FSTL4: variants seen among roughly 807,000 people sequenced by gnomAD.
FSTL4 encodes the protein follistatin like 4, also known as follistatin-related protein 4.
FSTL4 carries 28 observed loss-of-function variants against 78.2 expected under a neutral mutation model. The observed-to-expected ratio is 0.36, with a 90% CI of 0.27 to 0.49. The LOEUF (loss-of-function observed/expected upper bound fraction) is 0.49. Ranked by LOEUF, FSTL4 falls within the 20% of genes least tolerant of loss-of-function variation. The probability of loss-of-function intolerance (pLI) is 0.98; values close to 1 mark genes in which losing one functional copy is unlikely to be tolerated. For missense variants in FSTL4, 922 were observed against 1,084.9 expected (o/e 0.85, Z 2.11); for synonymous variants, 422 against 440.5 (o/e 0.96, Z 0.53).
At chr5:133,528,960 G>C (rs1759194478) in intron 3 of FSTL4, among the ~76,000 whole-genome samples, 1 of 152,200 alleles carries the variant, frequency 6.6e-6, no homozygotes, top group Non-Finnish European at 1.5e-5. Context: ...GCAGTGAGCA[G>C]TGCCACCTCC....
At chr5:133,241,133 G>A (rs1299185105) in intron 7 of FSTL4, among the ~76,000 whole-genome samples, 1 of 152,244 alleles carries the variant, frequency 6.6e-6, no homozygotes, top group African/African-American at 2.4e-5. Context: ...GGAGAACAGA[G>A]ATTCCACGTT....
the FSTL4 span, among the ~76,000 whole-genome samples, chr5:133,702,963 C>T: frequency 6.6e-6 from 1 of 152,222 alleles, no homozygotes; most frequent in Admixed American, 6.5e-5. Context: ...GTGGACAAGA[C>T]ACAGCACAAT....
At chr5:133,515,012 A>G (rs1384683345) in intron 3 of FSTL4, among the ~76,000 whole-genome samples, 1 of 152,232 alleles carries the variant, frequency 6.6e-6, no homozygotes, top group Non-Finnish European at 1.5e-5. Context: ...AAAATGTAAC[A>G]TTAATATAAT....
chr5:133,249,637 A>C, intron 6 of FSTL4, 61 bp from the exon 7 acceptor site: 116 of 1,360,848 alleles, frequency 8.5e-5, no homozygotes, highest in Non-Finnish European at 1.1e-4. Context: ...GTCTCAACTC[A>C]AGGTGAATAG....
chr5:133,451,490 G>A (rs1317281170), intron 3 of FSTL4, among the ~76,000 whole-genome samples: 5 of 152,332 alleles, frequency 3.3e-5, no homozygotes, highest in African/African-American at 9.6e-5. Context: ...GAACCCAGGA[G>A]GGGGAGGTTG....
the FSTL4 span, among the ~76,000 whole-genome samples, chr5:133,644,473 G>A: frequency 6.6e-6 from 1 of 152,072 alleles, no homozygotes; most frequent in African/African-American, 2.4e-5. Context: ...TGTTGGTTCA[G>A]CATCTTCATT....
At chr5:133,806,189 G>C in the FSTL4 span, among the ~76,000 whole-genome samples, 6 of 152,252 alleles carry the variant, frequency 3.9e-5, no homozygotes, top group East Asian at 1.2e-3. Context: ...GGTGTCGGAC[G>C]TCTGTGAAAT....
the FSTL4 span, among the ~76,000 whole-genome samples, chr5:133,719,409 C>T: frequency 6.6e-6 from 1 of 152,064 alleles, no homozygotes; most frequent in Non-Finnish European, 1.5e-5. Flanking sequence ...ATGGCTCACA[C>T]CTGCAATCCC....
chr5:133,449,947 G>C (rs1275744925), intron 3 of FSTL4, among the ~76,000 whole-genome samples: 4 of 152,200 alleles, frequency 2.6e-5, no homozygotes, highest in Non-Finnish European at 4.4e-5. Flanking sequence ...GGGACACACT[G>C]TGGTCAGTTG....
chr5:133,217,166 G>C, intron 13 of FSTL4, 63 bp downstream of exon 13: 2 of 1,417,110 alleles, frequency 1.4e-6, no homozygotes, highest in Non-Finnish European at 2.0e-6. Context: ...AGAAAGCAAA[G>C]AAGAATGTGG....
chr5:133,767,341 G>A, the FSTL4 span, among the ~76,000 whole-genome samples: 1 of 152,202 alleles, frequency 6.6e-6, no homozygotes, highest in South Asian at 2.1e-4. Context: ...CACCTGCACA[G>A]CTATGCCAGA....
chr5:133,494,855 C>A (rs1758339091), intron 3 of FSTL4, among the ~76,000 whole-genome samples: 2 of 152,234 alleles, frequency 1.3e-5, no homozygotes, highest in African/African-American at 4.8e-5. Context: ...CACCGGCTTG[C>A]ATTTTAAGGC....
At chr5:133,724,170 G>A in the FSTL4 span, among the ~76,000 whole-genome samples, 1 of 152,214 alleles carries the variant, frequency 6.6e-6, no homozygotes. Context: ...TCAGCATGTG[G>A]CCTTGGGAGA....
At chr5:133,273,727 C>A (rs1226163189) in intron 6 of FSTL4, among the ~76,000 whole-genome samples, 2 of 152,184 alleles carry the variant, frequency 1.3e-5, no homozygotes, top group Non-Finnish European at 2.9e-5. Flanking sequence ...TGTTCACAGG[C>A]CTTTGCGTAG....
At chr5:133,240,011 C>T (rs564065947) in intron 7 of FSTL4, among the ~76,000 whole-genome samples, 17 of 152,322 alleles carry the variant, frequency 1.1e-4, no homozygotes, top group African/African-American at 4.1e-4. Flanking sequence ...GATTCCTTTC[C>T]ACGCAGTGGA....
At chr5:133,722,798 G>A in the FSTL4 span, among the ~76,000 whole-genome samples, 200 of 152,292 alleles carry the variant, frequency 1.3e-3, no homozygotes, top group Middle Eastern at 3.4e-3. Context: ...TGGTTGAGCA[G>A]GCTCTGGTGG....
the FSTL4 span, among the ~76,000 whole-genome samples, chr5:133,619,817 A>G: frequency 6.6e-6 from 1 of 152,224 alleles, no homozygotes; most frequent in Non-Finnish European, 1.5e-5. Flanking sequence ...AACCCTCTTC[A>G]AAACATTTTA....
intron 6 of FSTL4, among the ~76,000 whole-genome samples, chr5:133,269,634 C>T (rs979981622): frequency 6.6e-6 from 1 of 152,212 alleles, no homozygotes; most frequent in African/African-American, 2.4e-5. Flanking sequence ...CAGCCCAATG[C>T]TCTGGCCCAA....
chr5:133,513,662 T>C (rs545952579), intron 3 of FSTL4, among the ~76,000 whole-genome samples: 17 of 152,256 alleles, frequency 1.1e-4, no homozygotes, highest in Admixed American at 1.0e-3. Context: ...ATCCTGACTA[T>C]TGGTCAGCAG....
Sources: allele counts gnomAD v4.1 joint callset (sites outside exome capture counted in the v4.1 genomes callset), GRCh38; gene constraint gnomAD v4.1.1; transcripts MANE v1.5; gene names NCBI Gene and HGNC (gene_info 2026-07-23, HGNC 2026-07-21).